The following SP100 variants were observed in gnomAD, a reference collection of about 807,000 sequenced individuals.
SP100 encodes SP100 nuclear body protein.
A neutral mutation model predicts 130.0 loss-of-function variants in SP100; 84 were observed. The ratio of observed to expected loss-of-function variants is 0.65; its 90% CI spans 0.54 to 0.77. SP100 has a LOEUF of 0.77. SP100 is among the 30% of genes least tolerant of loss of function. The probability of loss-of-function intolerance (pLI) is 0.00; values close to 1 mark genes in which losing one functional copy is unlikely to be tolerated. For missense variants in SP100, 978 were observed against 1,052.2 expected (o/e 0.93, Z 0.97); for synonymous variants, 331 against 351.7 (o/e 0.94, Z 0.66).
intron 6 of SP100, 152 bp downstream of exon 6, chr2:230,449,302 C>A: frequency 3.5e-6 from 3 of 862,844 alleles, no homozygotes; most frequent in Non-Finnish European, 5.9e-6. Context: ...ATAACAAGTC[C>A]TTATCCTCTA....
At chr2:230,515,948 C>A (rs1053791027) in intron 24 of SP100, 8 of 1,055,438 alleles carry the variant, frequency 7.6e-6, no homozygotes, top group Non-Finnish European at 9.1e-6. Flanking sequence ...AGTTTTTTCA[C>A]CTTCAGTTGT....
chr2:230,436,885 CAT>C (rs1491500773), intron 2 of SP100, among the ~76,000 whole-genome samples: 24 of 91,374 alleles, frequency 2.6e-4, no homozygotes, highest in Admixed American at 1.4e-3. Flanking sequence ...TATACACACA[CAT>C]ATATGTGTAT....
At chr2:230,468,282 G>GT (rs753692650) in intron 13 of SP100, among the ~76,000 whole-genome samples, 4 of 152,192 alleles carry the variant, frequency 2.6e-5, no homozygotes, top group Admixed American at 6.5e-5. Context: ...TTCAAAAAAT[G>GT]TTTTATTATT....
At chr2:230,438,648 TACACACACACAC>T (rs796889943) in intron 2 of SP100, among the ~76,000 whole-genome samples, 24 of 127,484 alleles carry the variant, frequency 1.9e-4, no homozygotes, top group Admixed American at 9.8e-4. Context: ...TGTATATATA[TACACACACACAC>T]ACACACACAC....
intron 23 of SP100, chr2:230,510,632 C>CCCAAGTAGCTGGG (rs371161906): frequency 0.83 from 136,257 of 163,956 alleles, 57,036 homozygotes; most frequent in Middle Eastern, 0.92. Context: ...TCCCTCAGCC[C>CCCAAGTAGCTGGG]ACTACAGGTG....
intron 24 of SP100, among the ~76,000 whole-genome samples, chr2:230,535,906 C>CAAAAAAAAAAAAA (rs34684038): frequency 3.6e-4 from 17 of 47,600 alleles, no homozygotes; most frequent in African/African-American, 1.8e-3. Context: ...GACTCCATCT[C>CAAAAAAAAAAAAA]AAAAAAAAAA....
At chr2:230,510,661 T>C (rs1228788716) in intron 23 of SP100, 2 of 182,072 alleles carry the variant, frequency 1.1e-5, no homozygotes, top group Non-Finnish European at 1.1e-5. Context: ...CACACTCAGC[T>C]AATTTTTGTA....
intron 17 of SP100, among the ~76,000 whole-genome samples, chr2:230,490,941 A>C (rs556864838): frequency 1.1e-4 from 16 of 151,696 alleles, no homozygotes; most frequent in Non-Finnish European, 2.2e-4. Context: ...GAATCTGATG[A>C]TTATGTGTCT....
rs1257320253 is a variant in SP100 at position 230,455,995 on chromosome 2, ATTTAC to A, written c.821-5261_821-5257del. Among the ~76,000 whole-genome samples, 5 of 152,288 alleles carry A rather than the reference ATTTAC, an allele frequency of 3.3e-5. No homozygotes were observed. In the East Asian group the frequency reaches 7.7e-4, roughly 23 times the overall value. ...TGTAGCTACTATTTTTTGACTATATATTTACTTTACCAGTTAGTTTTATACTTTCT... is the reference window on the plus strand; with the variant it reads ...TGTAGCTACTATTTTTTGACTATATATTTACCAGTTAGTTTTATACTTTCT... On this transcript the variant is annotated intron_variant, in intron 8 of 28. Transcript: ENST00000340126.
intron 2 of SP100, among the ~76,000 whole-genome samples, chr2:230,442,056 T>G (rs186066710): frequency 6.6e-6 from 1 of 152,208 alleles, no homozygotes; most frequent in East Asian, 1.9e-4. Flanking sequence ...TTTACAGAAA[T>G]TCAAAACAAT....
chr2:230,530,167 T>C (rs890068079), intron 24 of SP100, among the ~76,000 whole-genome samples: 1 of 152,198 alleles, frequency 6.6e-6, no homozygotes, highest in African/African-American at 2.4e-5. Flanking sequence ...TCATGCTACC[T>C]GACTTCAAAC....
chr2:230,449,676 A>C lies in SP100; in HGVS notation c.702A>C (p.Thr234=). 6.2e-7 allele frequency: 1 copy of C among 1,614,200 alleles called. No homozygotes were observed. Among genetic ancestry groups the C allele is most frequent in the Non-Finnish European group, 8.5e-7 (1 of 1,180,026 alleles). ...DKDDSLGSQQ[T]NEQCAQKAEP... ...ATGATTCGCTAGGAAGCCAACAAAC[A>C]AATGAACAATGTGCTCAAAAGGCTG... The change falls in exon 7 of 29, where the codon ACA becomes ACC. Residue 234 remains threonine (T), a synonymous_variant. Coordinates refer to ENST00000340126, the MANE Select transcript of SP100 (RefSeq NM_001080391.2).
chr2:230,530,428 C>G (rs1456528884), intron 24 of SP100, among the ~76,000 whole-genome samples: 1 of 152,134 alleles, frequency 6.6e-6, no homozygotes, highest in Non-Finnish European at 1.5e-5. Flanking sequence ...CAAAAATTAA[C>G]TCAACACAGA....
intron 17 of SP100, among the ~76,000 whole-genome samples, chr2:230,481,142 C>A (rs183958199): frequency 6.6e-6 from 1 of 152,114 alleles, no homozygotes; most frequent in East Asian, 1.9e-4. Context: ...TCTCTATACT[C>A]TCTCCCTAGG....
intron 17 of SP100, among the ~76,000 whole-genome samples, chr2:230,482,934 A>G (rs527298735): frequency 6.6e-6 from 1 of 152,290 alleles, no homozygotes; most frequent in Admixed American, 6.5e-5. Context: ...ACCCTGTTGA[A>G]TTTTTATTGA....
intron 2 of SP100, among the ~76,000 whole-genome samples, chr2:230,438,636 G>GGC (rs2063367553): frequency 1.1e-5 from 1 of 89,524 alleles, no homozygotes; most frequent in Non-Finnish European, 2.3e-5. Context: ...AGTACTCCAT[G>GGC]GTGTATATAT....
At chr2:230,479,111 G>A (rs931481121) in intron 17 of SP100, among the ~76,000 whole-genome samples, 4 of 152,158 alleles carry the variant, frequency 2.6e-5, no homozygotes, top group Admixed American at 6.5e-5. Context: ...GCGAGCCACC[G>A]TGCCCGGCCT....
chr2:230,455,140 T>A (rs1204727546), intron 8 of SP100, among the ~76,000 whole-genome samples: 1 of 152,148 alleles, frequency 6.6e-6, no homozygotes, highest in Non-Finnish European at 1.5e-5. Flanking sequence ...ACTAGTGCAA[T>A]CATGGCTCGC....
intron 19 of SP100, among the ~76,000 whole-genome samples, chr2:230,501,048 C>T (rs1479367281): frequency 6.6e-6 from 1 of 151,950 alleles, no homozygotes; most frequent in Non-Finnish European, 1.5e-5. Flanking sequence ...TTAAGACAAG[C>T]CTGGGCAACA....
Sources: allele counts gnomAD v4.1 joint callset (sites outside exome capture counted in the v4.1 genomes callset), GRCh38; gene constraint gnomAD v4.1.1; transcripts MANE v1.5; gene names NCBI Gene and HGNC (gene_info 2026-07-23, HGNC 2026-07-21).